TAF12: variants seen among roughly 807,000 people sequenced by gnomAD.
TAF12 encodes transcription initiation factor TFIID subunit 12.
Under a neutral mutation model 20.8 loss-of-function variants are expected in TAF12, and 3 were observed. That is an observed-to-expected ratio of 0.14 (90% confidence interval 0.07 to 0.37). The LOEUF is 0.37. Among genes scored for constraint, TAF12 ranks in the 10% least tolerant of loss-of-function variants. The pLI, the probability that TAF12 is intolerant of heterozygous loss-of-function variation, is 1.00. For missense variants in TAF12, 131 were observed against 197.9 expected (o/e 0.66, Z 2.03); for synonymous variants, 69 against 70.2 (o/e 0.98, Z 0.09).
chr1:28,639,411 C>T (rs932923523), intron 1 of TAF12, among the ~76,000 whole-genome samples: 15 of 74,550 alleles, frequency 2.0e-4, no homozygotes, highest in African/African-American at 4.7e-4. Context: ...AGTGAAAGAG[C>T]GAAACTCCGT....
At chr1:28,604,319 C>T (rs1269860259) in intron 5 of TAF12, among the ~76,000 whole-genome samples, 2 of 152,184 alleles carry the variant, frequency 1.3e-5, no homozygotes, top group African/African-American at 4.8e-5. Context: ...TGACATTTCA[C>T]ATCTCATGAC....
At chr1:28,605,083 G>A (rs1197508404) in intron 5 of TAF12, among the ~76,000 whole-genome samples, 9 of 152,146 alleles carry the variant, frequency 5.9e-5, no homozygotes, top group East Asian at 1.9e-4. Context: ...ATGGTGGGGC[G>A]AGCTGCATCC....
intron 1 of TAF12, among the ~76,000 whole-genome samples, chr1:28,629,759 G>A (rs1226886469): frequency 6.6e-6 from 1 of 151,906 alleles, no homozygotes; most frequent in Non-Finnish European, 1.5e-5. Flanking sequence ...TCTTGCATCA[G>A]CCTCTTGAGT....
chr1:28,629,957 T>C (rs1667563287), intron 1 of TAF12, among the ~76,000 whole-genome samples: 1 of 151,968 alleles, frequency 6.6e-6, no homozygotes. Context: ...GTTTATTTTT[T>C]AGAGATGGGT....
At chr1:28,637,427 G>T (rs1667873330) in intron 1 of TAF12, among the ~76,000 whole-genome samples, 3 of 152,084 alleles carry the variant, frequency 2.0e-5, no homozygotes, top group Non-Finnish European at 4.4e-5. Flanking sequence ...AGAACTTTGG[G>T]AGGCCGAGGC....
intron 1 of TAF12, among the ~76,000 whole-genome samples, chr1:28,639,120 G>T (rs1254512197): frequency 1.3e-5 from 2 of 151,614 alleles, no homozygotes; most frequent in Non-Finnish European, 2.9e-5. Flanking sequence ...TATTGCCCAG[G>T]CTGGAGTGCA....
At chr1:28,620,137 ATT>A (rs1246264663) in intron 2 of TAF12, among the ~76,000 whole-genome samples, 2 of 146,156 alleles carry the variant, frequency 1.4e-5, no homozygotes, top group African/African-American at 2.5e-5. Context: ...AAGAAAAAAA[ATT>A]TTTTTTTTTT....
Position 28,643,034 on chromosome 1 carries a change from C to G in TAF12, c.-127G>C. ...TCCCCATGATATGCAGAGACTGCCCCAGTGAAGCGTTCGTCTCAGCAGCCG... is the reference window on the plus strand; with the variant it reads ...TCCCCATGATATGCAGAGACTGCCCGAGTGAAGCGTTCGTCTCAGCAGCCG... On this transcript the variant is annotated 5_prime_UTR_variant, in exon 1 of 6. Transcript: ENST00000373824. The G allele has an allele frequency of 1.0e-6, 1 of 985,920 alleles. No individual in the cohort carries two copies. 61.1% of individuals were successfully genotyped at this position (985,920 alleles called of 1,614,324 possible).
At chr1:28,613,674 G>A (rs1022999222) in intron 3 of TAF12, among the ~76,000 whole-genome samples, 2 of 152,180 alleles carry the variant, frequency 1.3e-5, no homozygotes, top group Non-Finnish European at 2.9e-5. Flanking sequence ...CTCACTCACA[G>A]TATCTTAAAA....
At chr1:28,639,214 C>T (rs906481094) in intron 1 of TAF12, among the ~76,000 whole-genome samples, 3 of 151,114 alleles carry the variant, frequency 2.0e-5, no homozygotes, top group African/African-American at 7.3e-5. Flanking sequence ...GTCAGGAGTT[C>T]GAGACAAGCC....
intron 1 of TAF12, among the ~76,000 whole-genome samples, chr1:28,627,998 G>A (rs989729924): frequency 3.3e-5 from 5 of 151,648 alleles, no homozygotes; most frequent in Non-Finnish European, 7.4e-5. Context: ...TACAACTGTC[G>A]AACTCCTCCC....
At chr1:28,642,783 G>A in intron 1 of TAF12, 1 of 984,990 alleles carries the variant, frequency 1.0e-6, no homozygotes, top group Non-Finnish European at 1.2e-6. Context: ...ATCCGTCCCC[G>A]TTCCCTAAGT....
intron 1 of TAF12, among the ~76,000 whole-genome samples, chr1:28,629,653 T>C (rs1387869519): frequency 2.6e-5 from 4 of 151,958 alleles, no homozygotes; most frequent in Admixed American, 2.6e-4. Flanking sequence ...TTTTGTTTGT[T>C]TGTTTGCAGA....
At chr1:28,604,738 G>A (rs554468606) in intron 5 of TAF12, among the ~76,000 whole-genome samples, 1 of 152,198 alleles carries the variant, frequency 6.6e-6, no homozygotes, top group Non-Finnish European at 1.5e-5. Context: ...AAAAGCTCAC[G>A]TTTCAAATCA....
chr1:28,648,198 T>C, intron 1 of TAF12: 1 of 985,394 alleles, frequency 1.0e-6, no homozygotes, highest in South Asian at 4.7e-5. Context: ...CCCAGTCAGA[T>C]ACCTACAGCC....
chr1:28,624,072 G>C (rs1163342481), intron 1 of TAF12: 3 of 951,408 alleles, frequency 3.2e-6, no homozygotes, highest in Non-Finnish European at 2.5e-6. Context: ...CCTTGCCATG[G>C]AACCATTTTA....
At chr1:28,605,220 T>A in intron 5 of TAF12, 152 bp downstream of exon 5, 1 of 688,226 alleles carries the variant, frequency 1.5e-6, no homozygotes, top group Non-Finnish European at 2.5e-6. Flanking sequence ...AGACCGCTGC[T>A]GCCTCTTGCC....
chr1:28,619,646 T>TG (rs1570311455), intron 2 of TAF12, among the ~76,000 whole-genome samples: 1 of 84,332 alleles, frequency 1.2e-5, no homozygotes, highest in Non-Finnish European at 2.4e-5. Flanking sequence ...AAAATTCCAC[T>TG]GAAAAAAAAA....
At chr1:28,625,272 T>C (rs553910082) in intron 1 of TAF12, among the ~76,000 whole-genome samples, 4 of 152,296 alleles carry the variant, frequency 2.6e-5, no homozygotes, top group African/African-American at 9.6e-5. Context: ...GGTGTGGTGG[T>C]GTGCACCTAT....
Sources: allele counts gnomAD v4.1 joint callset (sites outside exome capture counted in the v4.1 genomes callset), GRCh38; gene constraint gnomAD v4.1.1; transcripts MANE v1.5; gene names NCBI Gene and HGNC (gene_info 2026-07-23, HGNC 2026-07-21).